CD109: variants seen among roughly 807,000 people sequenced by gnomAD.
CD109 encodes the protein CD109 molecule, also known as CD109 antigen.
In CD109, 149 loss-of-function variants were observed where a neutral mutation model predicts 165.8. The observed-to-expected ratio is 0.90, with a 90% confidence interval of 0.79 to 1.03. The LOEUF (loss-of-function observed/expected upper bound fraction) is 1.03, where lower values mean the gene tolerates loss of function less well. Ranked by LOEUF, CD109 falls within the 50% of genes least tolerant of loss-of-function variation. The pLI is 0.00. For missense variants in CD109, 1,712 were observed against 1,677.8 expected, an observed-to-expected ratio of 1.02 and a Z score of -0.36; for synonymous variants, 585 against 592.1, an observed-to-expected ratio of 0.99 and a Z score of 0.18.
the CD109 span, among the ~76,000 whole-genome samples, chr6:73,685,888 T>C: frequency 2.7e-3 from 406 of 152,356 alleles, no homozygotes; most frequent in African/African-American, 9.3e-3. Flanking sequence ...TACTATTTCC[T>C]TTCTGATTTG....
At chr6:73,741,520 C>T (rs1212943535) in intron 5 of CD109, among the ~76,000 whole-genome samples, 2 of 152,132 alleles carry the variant, frequency 1.3e-5, no homozygotes, top group Non-Finnish European at 2.9e-5. Context: ...CTTGAAAATA[C>T]ACCTTAGGAA....
chr6:73,709,942 A>C (rs995846713), intron 2 of CD109, among the ~76,000 whole-genome samples: 118 of 152,298 alleles, frequency 7.7e-4, no homozygotes, highest in Non-Finnish European at 1.2e-3. Context: ...GGACATATCT[A>C]AAAATAATAA....
In CD109 at chr6:73,697,685, T is replaced by G. The variant is rs77670907; in HGVS notation, c.247+113T>G. 5.5e-4 allele frequency: 427 copies of G among 782,992 alleles called. No homozygotes were observed. In the African/African-American group the frequency reaches 7.0e-3, roughly 13 times the overall value. The allele number at this position is 782,992 out of a possible 1,614,324, so 48.5% of individuals were successfully genotyped here. ...AACCCCAAATTTGCAGTATCTTACCTAATATACTTTTAATTCTCACTCATG... is the reference window on the plus strand; with the variant it reads ...AACCCCAAATTTGCAGTATCTTACCGAATATACTTTTAATTCTCACTCATG... On this transcript the variant is annotated intron_variant, in intron 2 of 32. Coordinates refer to ENST00000287097, the MANE Select transcript of CD109 (RefSeq NM_133493.5).
intron 3 of CD109, among the ~76,000 whole-genome samples, chr6:73,726,972 T>C (rs534513255): frequency 3.9e-5 from 6 of 152,168 alleles, no homozygotes; most frequent in Non-Finnish European, 8.8e-5. Flanking sequence ...AAGTCACTTA[T>C]CAAGGAACAG....
chr6:73,738,820 T>G (rs556624664), intron 5 of CD109, among the ~76,000 whole-genome samples: 1 of 152,392 alleles, frequency 6.6e-6, no homozygotes, highest in East Asian at 1.9e-4. Context: ...TCTAGAGCCT[T>G]TCATCATGCT....
Position 73,730,513 on chromosome 6 carries a change from G to T in CD109, c.446G>T (p.Arg149Leu). 6.2e-7 allele frequency: 1 copy of T among 1,614,074 alleles called. No homozygotes were observed. The highest frequency in any genetic ancestry group is 8.5e-7 in the Non-Finnish European group (1 of 1,179,988). Residue 149 changes from arginine to leucine, a missense_variant, in exon 4 of 33, where the codon CGC becomes CTC. Physicochemically the swap from Arg to Leu is moderately radical, Grantham distance 102. Coordinates refer to ENST00000287097, the MANE Select transcript of CD109 (RefSeq NM_133493.5). ...LYKPKQEVKF[R>L]IVTLFSDFKP... ...AAGCCAAAGCAAGAAGTGAAGTTTC[G>T]CATTGTTACACTCTTCTCAGATTTT... is the stretch of plus-strand genomic sequence containing the variant.
chr6:73,805,569 C>G (rs1015880377), intron 24 of CD109, among the ~76,000 whole-genome samples: 1 of 152,222 alleles, frequency 6.6e-6, no homozygotes, highest in African/African-American at 2.4e-5. Context: ...AGCACAGACC[C>G]TTTACGGGTG....
At chr6:73,710,929 A>T (rs1771513615) in intron 2 of CD109, among the ~76,000 whole-genome samples, 1 of 152,226 alleles carries the variant, frequency 6.6e-6, no homozygotes, top group South Asian at 2.1e-4. Context: ...TACCAGCAGA[A>T]CTTTATTTAT....
At chr6:73,788,316 T>TAAAGAAAACA (rs1346560075) in intron 21 of CD109, 152 bp from the exon 22 acceptor site, 1 of 554,254 alleles carries the variant, frequency 1.8e-6, no homozygotes, top group East Asian at 3.2e-5. Context: ...ATATCTAATT[T>TAAAGAAAACA]AAAGAAAACA....
chr6:73,735,439 A>G (rs1312712868), intron 4 of CD109, among the ~76,000 whole-genome samples: 1 of 152,170 alleles, frequency 6.6e-6, no homozygotes, highest in Non-Finnish European at 1.5e-5. Flanking sequence ...GATTAGTTGC[A>G]TTAGTTAGAA....
chr6:73,714,746 G>T (rs1771661286), intron 2 of CD109, among the ~76,000 whole-genome samples: 1 of 152,196 alleles, frequency 6.6e-6, no homozygotes, highest in African/African-American at 2.4e-5. Context: ...TGCAGTGCTT[G>T]GAGTATAACT....
chr6:73,743,104 T>C (rs1772853967), intron 5 of CD109, among the ~76,000 whole-genome samples: 1 of 152,168 alleles, frequency 6.6e-6, no homozygotes, highest in South Asian at 2.1e-4. Context: ...TACTTTACCT[T>C]TTTAGGTAAT....
intron 31 of CD109, among the ~76,000 whole-genome samples, chr6:73,820,025 T>C (rs1330621640): frequency 2.0e-5 from 3 of 152,198 alleles, no homozygotes; most frequent in Admixed American, 2.0e-4. Flanking sequence ...GTGTACCCCA[T>C]CTCAGTCATT....
chr6:73,698,825 TC>T (rs1369375039), intron 2 of CD109, among the ~76,000 whole-genome samples: 5 of 152,334 alleles, frequency 3.3e-5, no homozygotes, highest in African/African-American at 1.2e-4. Context: ...TGAGTTTGAA[TC>T]CTGGTACTAC....
At position 73,780,741 on chromosome 6, in the gene CD109, A is replaced by G. The variant is rs893575386; in HGVS notation, c.1902+243A>G. On this transcript the variant is annotated intron_variant, in intron 16 of 32. Coordinates refer to ENST00000287097, the MANE Select transcript of CD109 (RefSeq NM_133493.5). ...TAAACAAATAATTTTTCCTTTATGT[A>G]TATGTATTTCCATATAAATATATTT... Among the ~76,000 whole-genome samples, 10 of 54,568 alleles carry G rather than the reference A, an allele frequency of 1.8e-4. 4 individuals are homozygous for G. The highest frequency in any genetic ancestry group is 3.6e-4 in the African/African-American group (4 of 11,054). 35.8% of individuals were successfully genotyped at this position (54,568 alleles called of 152,430 possible).
rs147581552 is a variant in CD109 at position 73,794,031 on chromosome 6, C to T, written c.2878+1229C>T. On this transcript the variant is annotated intron_variant, in intron 23 of 32. Transcript: ENST00000287097. ...GGAGAATTAGAAAACTCAGTAAAGA[C>T]GCCATTGTAATGTGAGCTTTTCTTC... Among the ~76,000 whole-genome samples the T allele has an allele frequency of 2.9e-3, 438 of 152,282 alleles. 4 individuals are homozygous for T. Among genetic ancestry groups the T allele is most frequent in the African/African-American group, 9.7e-3 (403 of 41,544 alleles).
At chr6:73,730,077 G>A (rs1772302225) in intron 3 of CD109, among the ~76,000 whole-genome samples, 1 of 152,150 alleles carries the variant, frequency 6.6e-6, no homozygotes. Context: ...ACTTGGAATA[G>A]GAAATGGCAA....
intron 20 of CD109, among the ~76,000 whole-genome samples, chr6:73,786,002 C>T (rs1319531143): frequency 6.6e-6 from 1 of 152,118 alleles, no homozygotes; most frequent in Non-Finnish European, 1.5e-5. Context: ...CACCACCACG[C>T]CCAGCTAATT....
In CD109 at chr6:73,735,458, A is replaced by G. The variant is rs531201953; in HGVS notation, c.508-925A>G. On this transcript the variant is annotated intron_variant, in intron 4 of 32. Transcript: ENST00000287097. Reference sequence around the variant, plus strand: ...AGTTGCATTAGTTAGAAAATAGGACATGGTGGCTGGATGTGAGGATGGAAA... The same window carrying G: ...AGTTGCATTAGTTAGAAAATAGGACGTGGTGGCTGGATGTGAGGATGGAAA... Among the ~76,000 whole-genome samples the G allele has an allele frequency of 2.6e-5, 4 of 152,200 alleles. No individual in the cohort carries two copies. In the East Asian group the frequency reaches 7.7e-4, roughly 29 times the overall value.
Sources: gnomAD v4.1 joint callset for allele counts (sites outside exome capture counted in the v4.1 genomes callset) on GRCh38, gnomAD v4.1.1 for gene constraint, MANE v1.5 for transcripts, NCBI Gene and HGNC (gene_info 2026-07-23, HGNC 2026-07-21) for gene names.